GRM8: variants seen among roughly 807,000 people sequenced by gnomAD.
GRM8 encodes metabotropic glutamate receptor 8.
GRM8 carries 47 observed loss-of-function variants against 87.2 expected under a neutral mutation model. The observed-to-expected ratio is 0.54, with a 90% CI of 0.43 to 0.69. The LOEUF is 0.69. Ranked by LOEUF, GRM8 falls within the 30% of genes least tolerant of loss-of-function variation. The pLI is 0.00. For synonymous variants in GRM8, 396 were observed against 404.5 expected (o/e 0.98, Z 0.25); for missense variants, 1,019 against 1,139.2 (o/e 0.89, Z 1.52).
At chr7:127,128,552 A>C (rs2133212858) in intron 2 of GRM8, among the ~76,000 whole-genome samples, 1 of 152,244 alleles carries the variant, frequency 6.6e-6, no homozygotes, top group Middle Eastern at 3.4e-3. Flanking sequence ...GGTAGTAATT[A>C]TTGTAATACT....
At chr7:126,567,265 G>A (rs1052951665) in intron 8 of GRM8, among the ~76,000 whole-genome samples, 2 of 152,060 alleles carry the variant, frequency 1.3e-5, no homozygotes, top group Admixed American at 1.3e-4. Flanking sequence ...TAGGGACATA[G>A]ATGAAGCTGG....
intron 8 of GRM8, among the ~76,000 whole-genome samples, chr7:126,547,081 A>G (rs1045244131): frequency 1.3e-5 from 2 of 152,198 alleles, no homozygotes; most frequent in Non-Finnish European, 2.9e-5. Flanking sequence ...ATCTTTGGGA[A>G]TTTTTAGATT....
chr7:127,113,935 T>C (rs561445250), intron 2 of GRM8, among the ~76,000 whole-genome samples: 3 of 152,180 alleles, frequency 2.0e-5, no homozygotes, highest in South Asian at 4.2e-4. Flanking sequence ...GGCCCAACTC[T>C]CCCGACACTG....
At chr7:126,858,320 A>G (rs1454933512) in intron 6 of GRM8, among the ~76,000 whole-genome samples, 1 of 152,132 alleles carries the variant, frequency 6.6e-6, no homozygotes, top group Non-Finnish European at 1.5e-5. Flanking sequence ...TTCTACTCAG[A>G]ATTTTTAAAT....
chr7:126,531,534 C>T (rs949535673), intron 9 of GRM8, among the ~76,000 whole-genome samples: 8 of 152,168 alleles, frequency 5.3e-5, no homozygotes, highest in African/African-American at 1.9e-4. Flanking sequence ...GGGCAACCTC[C>T]ACCCTCTGGC....
At chr7:127,080,139 G>C (rs1037159364) in intron 3 of GRM8, among the ~76,000 whole-genome samples, 29 of 152,140 alleles carry the variant, frequency 1.9e-4, no homozygotes, top group African/African-American at 5.8e-4. Flanking sequence ...TAACCACAAG[G>C]GTCCTTAAAT....
At chr7:127,230,916 G>T (rs1017481064) in intron 2 of GRM8, among the ~76,000 whole-genome samples, 1 of 152,186 alleles carries the variant, frequency 6.6e-6, no homozygotes, top group Admixed American at 6.5e-5. Context: ...GATAACTGCA[G>T]CTTCCTTGGA....
chr7:126,879,034 G>A (rs1400084801), intron 6 of GRM8, among the ~76,000 whole-genome samples: 2 of 151,788 alleles, frequency 1.3e-5, no homozygotes, highest in African/African-American at 4.8e-5. Context: ...ACAGTGGCGG[G>A]CCCCTGTAAT....
intron 3 of GRM8, among the ~76,000 whole-genome samples, chr7:127,105,648 G>A (rs1467514313): frequency 1.3e-5 from 2 of 151,880 alleles, no homozygotes; most frequent in Non-Finnish European, 2.9e-5. Flanking sequence ...AAAAATCAAT[G>A]GACACTTTAA....
chr7:127,167,068 C>G (rs1019550842), intron 2 of GRM8, among the ~76,000 whole-genome samples: 1 of 152,110 alleles, frequency 6.6e-6, no homozygotes, highest in African/African-American at 2.4e-5. Context: ...CTTTTAAAAT[C>G]TGGGCATAGA....
At chr7:126,530,977 T>A (rs980345522) in intron 9 of GRM8, among the ~76,000 whole-genome samples, 111 of 152,196 alleles carry the variant, frequency 7.3e-4, no homozygotes, top group African/African-American at 2.4e-3. Flanking sequence ...CCCGGCTAAT[T>A]TTTTTATTTT....
At chr7:126,913,970 AT>A (rs1185711874) in intron 3 of GRM8, among the ~76,000 whole-genome samples, 1 of 152,192 alleles carries the variant, frequency 6.6e-6, no homozygotes, top group Admixed American at 6.5e-5. Context: ...ACTTTCAAAC[AT>A]TTTATACTTT....
chr7:127,136,802 T>A lies in GRM8; in HGVS notation c.511-30090A>T, dbSNP rs1313918841. 1.3e-5 allele frequency among the ~76,000 whole-genome samples: 2 copies of A among 151,836 alleles called. 1 individual carries two copies. Among genetic ancestry groups the A allele is most frequent in the East Asian group, 3.9e-4 (2 of 5,138 alleles). On this transcript the variant is annotated intron_variant, in intron 2 of 10. Coordinates refer to ENST00000339582, the MANE Select transcript of GRM8 (RefSeq NM_000845.3). ...TGTTTTGGACACTTACACTTCTTTT[T>A]CTGAGAGGAATGTGTACCAAGCAGA...
At chr7:127,206,755 C>T (rs1398839097) in intron 2 of GRM8, among the ~76,000 whole-genome samples, 1 of 152,228 alleles carries the variant, frequency 6.6e-6, no homozygotes, top group East Asian at 1.9e-4. Flanking sequence ...ATCCAAGCTG[C>T]TTAAATCCTT....
chr7:126,460,824 GA>G (rs1351318752), intron 9 of GRM8, among the ~76,000 whole-genome samples: 2 of 151,516 alleles, frequency 1.3e-5, no homozygotes, highest in African/African-American at 4.8e-5. Context: ...ACCATTTCAT[GA>G]CAGTCATTAC....
chr7:126,709,477 G>A (rs747479084), intron 7 of GRM8, among the ~76,000 whole-genome samples: 6 of 151,638 alleles, frequency 4.0e-5, no homozygotes, highest in Non-Finnish European at 1.5e-5. Context: ...AAGAGGAAGA[G>A]GAAGAAGAAG....
chr7:126,929,496 C>T (rs993263232), intron 3 of GRM8, among the ~76,000 whole-genome samples: 3 of 152,044 alleles, frequency 2.0e-5, no homozygotes, highest in Admixed American at 6.5e-5. Flanking sequence ...TGCAGTGGCG[C>T]GACCCCGGCT....
intron 3 of GRM8, among the ~76,000 whole-genome samples, chr7:127,023,980 G>A (rs1199387642): frequency 6.6e-6 from 1 of 152,148 alleles, no homozygotes; most frequent in Non-Finnish European, 1.5e-5. Context: ...ATCTCTGCAT[G>A]TAGGGAGGAC....
At chr7:126,680,052 A>AG (rs3038843) in intron 7 of GRM8, among the ~76,000 whole-genome samples, 3 of 150,608 alleles carry the variant, frequency 2.0e-5, no homozygotes, top group Non-Finnish European at 3.0e-5. Context: ...AAAAAAAAAA[A>AG]GATGAAGATG....
Sources: gnomAD v4.1 joint callset for allele counts (sites outside exome capture counted in the v4.1 genomes callset) on GRCh38, gnomAD v4.1.1 for gene constraint, MANE v1.5 for transcripts, NCBI Gene and HGNC (gene_info 2026-07-23, HGNC 2026-07-21) for gene names.